Variants in AUTS2 observed in about 807,000 individuals in gnomAD.
AUTS2 encodes the protein activator of transcription and developmental regulator AUTS2, also known as autism susceptibility gene 2 protein.
A neutral mutation model predicts 112.4 loss-of-function variants in AUTS2; 17 were observed. The observed-to-expected ratio is 0.15, with a 90% CI of 0.10 to 0.23. The LOEUF (loss-of-function observed/expected upper bound fraction) is 0.23. Among genes scored for constraint, AUTS2 ranks in the 10% least tolerant of loss-of-function variants. AUTS2 has a pLI of 1.00. For synonymous variants in AUTS2, 751 were observed against 702.7 expected (o/e 1.07, Z -1.09); for missense variants, 1,510 against 1,701.6 (o/e 0.89, Z 1.98).
At chr7:70,174,012 C>T (rs1418670769) in intron 4 of AUTS2, among the ~76,000 whole-genome samples, 4 of 152,144 alleles carry the variant, frequency 2.6e-5, no homozygotes, top group Non-Finnish European at 4.4e-5. Context: ...AAATCAAACT[C>T]TAGAAATGAT....
intron 6 of AUTS2, among the ~76,000 whole-genome samples, chr7:70,739,003 C>CTTTTT (rs57525224): frequency 0.021 from 1,209 of 57,202 alleles, 231 homozygotes; most frequent in East Asian, 0.032. Flanking sequence ...GTTTTGAGGC[C>CTTTTT]TTTTTTTTTT....
At chr7:69,940,185 G>A (rs1796569894) in intron 2 of AUTS2, among the ~76,000 whole-genome samples, 1 of 152,154 alleles carries the variant, frequency 6.6e-6, no homozygotes, top group South Asian at 2.1e-4. Context: ...ACCTGGGCAG[G>A]CAGTTCTCAG....
chr7:70,248,161 A>G (rs758918221), intron 4 of AUTS2, among the ~76,000 whole-genome samples: 7 of 152,142 alleles, frequency 4.6e-5, no homozygotes, highest in Non-Finnish European at 7.4e-5. Context: ...TCATGAGTCC[A>G]GTTGTCTTGT....
At chr7:70,723,188 G>A (rs138171979) in intron 6 of AUTS2, among the ~76,000 whole-genome samples, 1 of 152,162 alleles carries the variant, frequency 6.6e-6, no homozygotes, top group African/African-American at 2.4e-5. Context: ...CTGACTGAAA[G>A]CTTCTTAGTT....
At chr7:69,991,964 A>G (rs1282660719) in intron 2 of AUTS2, among the ~76,000 whole-genome samples, 2 of 152,190 alleles carry the variant, frequency 1.3e-5, no homozygotes, top group Non-Finnish European at 2.9e-5. Flanking sequence ...TTGTTTATAT[A>G]TATGGTTTGT....
chr7:70,117,649 T>G (rs1390980469), intron 2 of AUTS2, among the ~76,000 whole-genome samples: 1 of 152,206 alleles, frequency 6.6e-6, no homozygotes, highest in East Asian at 1.9e-4. Flanking sequence ...TGGTGAATAT[T>G]TTGCTTATTC....
At chr7:70,530,933 A>G (rs749313573) in intron 5 of AUTS2, among the ~76,000 whole-genome samples, 6 of 152,128 alleles carry the variant, frequency 3.9e-5, no homozygotes, top group Non-Finnish European at 8.8e-5. Flanking sequence ...GCATCGTTGG[A>G]TGCCCTCTAA....
At chr7:69,896,470 C>T (rs1475242225) in intron 1 of AUTS2, among the ~76,000 whole-genome samples, 2 of 151,932 alleles carry the variant, frequency 1.3e-5, no homozygotes, top group Admixed American at 1.3e-4. Flanking sequence ...AAGGATAAGG[C>T]CTTTCCCCTT....
At chr7:70,234,680 A>G (rs1320840915) in intron 4 of AUTS2, among the ~76,000 whole-genome samples, 2 of 152,026 alleles carry the variant, frequency 1.3e-5, no homozygotes, top group African/African-American at 4.8e-5. Flanking sequence ...CCACACCCCA[A>G]TTTGTATTTG....
Position 70,578,021 on chromosome 7 carries a change from G to A in AUTS2, c.691-120548G>A, listed in dbSNP as rs141557204. Reference sequence around the variant, plus strand: ...AATTTTTTGTATTTTTAGTAGAGACGGGGTTTCACCATGCTAGCTAGGATG... The same window carrying A: ...AATTTTTTGTATTTTTAGTAGAGACAGGGTTTCACCATGCTAGCTAGGATG... On this transcript the variant is annotated intron_variant, in intron 5 of 18. Coordinates refer to ENST00000342771, the MANE Select transcript of AUTS2 (RefSeq NM_015570.4). 3.2e-4 allele frequency among the ~76,000 whole-genome samples: 49 copies of A among 152,018 alleles called. 1 individual carries two copies. The East Asian group carries it at 9.1e-3, about 28-fold the overall frequency.
At chr7:70,223,705 G>A (rs1811604244) in intron 4 of AUTS2, among the ~76,000 whole-genome samples, 2 of 152,136 alleles carry the variant, frequency 1.3e-5, no homozygotes, top group Admixed American at 1.3e-4. Context: ...TTTCAGAAGA[G>A]GCATTGTTAT....
intron 4 of AUTS2, among the ~76,000 whole-genome samples, chr7:70,168,537 T>C (rs570158330): frequency 3.3e-5 from 5 of 152,132 alleles, no homozygotes; most frequent in Non-Finnish European, 5.9e-5. Context: ...GTTGGTCTTG[T>C]ACTCCTGAAC....
chr7:70,760,343 C>T (rs1434171709), intron 6 of AUTS2, among the ~76,000 whole-genome samples: 3 of 152,192 alleles, frequency 2.0e-5, no homozygotes, highest in Non-Finnish European at 1.5e-5. Flanking sequence ...GCCATTGTAC[C>T]AAGCATAAAA....
chr7:69,708,568 A>G (rs912134501), intron 1 of AUTS2, among the ~76,000 whole-genome samples: 11 of 152,348 alleles, frequency 7.2e-5, no homozygotes, highest in Middle Eastern at 3.4e-3. Flanking sequence ...AGTGCTACAT[A>G]TTATGTCCAC....
At chr7:70,557,512 A>C (rs893333474) in intron 5 of AUTS2, among the ~76,000 whole-genome samples, 1 of 152,244 alleles carries the variant, frequency 6.6e-6, no homozygotes, top group South Asian at 2.1e-4. Context: ...TGTATAGCCA[A>C]TCGAACATGT....
intron 4 of AUTS2, among the ~76,000 whole-genome samples, chr7:70,404,992 T>A (rs577968422): frequency 2.6e-5 from 4 of 152,206 alleles, no homozygotes; most frequent in Non-Finnish European, 4.4e-5. Context: ...TTGCCCTTTA[T>A]GCCAGCTGCT....
chr7:69,994,961 C>T (rs752814605), intron 2 of AUTS2, among the ~76,000 whole-genome samples: 3 of 152,138 alleles, frequency 2.0e-5, no homozygotes, highest in Admixed American at 6.6e-5. Flanking sequence ...TACTTTGTAG[C>T]GCCTGACTGC....
At chr7:70,622,887 G>T (rs897836292) in intron 5 of AUTS2, among the ~76,000 whole-genome samples, 2 of 152,172 alleles carry the variant, frequency 1.3e-5, no homozygotes, top group African/African-American at 4.8e-5. Context: ...TGCAAGAGTT[G>T]GGGGTTGGCC....
intron 1 of AUTS2, among the ~76,000 whole-genome samples, chr7:69,624,348 A>T (rs537227280): frequency 2.3e-4 from 35 of 151,932 alleles, no homozygotes; most frequent in African/African-American, 4.8e-4. Context: ...AGTTTTTTTT[A>T]AAAAAAGTTC....
Sources: allele counts gnomAD v4.1 joint callset (sites outside exome capture counted in the v4.1 genomes callset), GRCh38; gene constraint gnomAD v4.1.1; transcripts MANE v1.5; gene names NCBI Gene and HGNC (gene_info 2026-07-23, HGNC 2026-07-21).